Variants in STX8 observed in about 807,000 individuals in gnomAD.
The protein encoded by STX8 is syntaxin 8.
Under a neutral mutation model 37.5 loss-of-function variants are expected in STX8, and 23 were observed. That is an observed-to-expected ratio of 0.61 (90% CI 0.44 to 0.87). The LOEUF is 0.87. Ranked by LOEUF, STX8 falls within the 40% of genes least tolerant of loss-of-function variation. The pLI is 0.00. For missense variants in STX8, 313 were observed against 284.7 expected (o/e 1.10, Z -0.71); for synonymous variants, 115 against 99.1 (o/e 1.16, Z -0.95).
At chr17:9,465,196 T>C (rs1049815521) in intron 6 of STX8, among the ~76,000 whole-genome samples, 1 of 132,628 alleles carries the variant, frequency 7.5e-6, no homozygotes, top group African/African-American at 3.6e-5. Flanking sequence ...TTGAAGTTGC[T>C]TTTTTTTTTT....
At chr17:9,350,949 T>A (rs1255457486) in intron 7 of STX8, among the ~76,000 whole-genome samples, 1 of 152,188 alleles carries the variant, frequency 6.6e-6, no homozygotes, top group African/African-American at 2.4e-5. Context: ...CTTAGACATA[T>A]TAAAAATATT....
At chr17:9,287,199 G>A (rs1056260292) in intron 7 of STX8, among the ~76,000 whole-genome samples, 1 of 152,208 alleles carries the variant, frequency 6.6e-6, no homozygotes, top group African/African-American at 2.4e-5. Flanking sequence ...GTGTCTTACA[G>A]TAGATGACGA....
chr17:9,504,953 G>A lies in STX8; in HGVS notation c.448+85C>T, dbSNP rs571289561. On this transcript the variant is annotated intron_variant, in intron 5 of 7. Transcript: ENST00000306357. Reference sequence around the variant, plus strand: ...CACGCCACTGCACTCCAGCCTAGGCGACATAGCAAGACTCCGTCTCAAAAA... The same window carrying A: ...CACGCCACTGCACTCCAGCCTAGGCAACATAGCAAGACTCCGTCTCAAAAA... 2.4e-5 allele frequency: 29 copies of A among 1,197,722 alleles called. No individual in the cohort carries two copies. The East Asian group carries it at 6.4e-4, about 27-fold the overall frequency. 74.2% of individuals were successfully genotyped at this position (1,197,722 alleles called of 1,614,324 possible).
At chr17:9,553,742 A>G (rs924557435) in intron 3 of STX8, 4 of 152,224 alleles carry the variant, frequency 2.6e-5, no homozygotes, top group Admixed American at 2.6e-4. Context: ...TATAAACAAG[A>G]TTTGTCTTGG....
At chr17:9,252,240 C>G (rs550710979) in intron 7 of STX8, among the ~76,000 whole-genome samples, 1 of 151,966 alleles carries the variant, frequency 6.6e-6, no homozygotes, top group African/African-American at 2.4e-5. Flanking sequence ...GTCAGGAGAT[C>G]GAGACCATCC....
chr17:9,396,484 G>A (rs892306778), intron 6 of STX8, among the ~76,000 whole-genome samples: 11 of 151,598 alleles, frequency 7.3e-5, no homozygotes, highest in Admixed American at 1.3e-4. Flanking sequence ...GCTGAGGTGG[G>A]CGGGTCATCT....
At position 9,390,551 on chromosome 17, in the gene STX8, G is replaced by A. The variant is rs900148866; in HGVS notation, c.542-11898C>T. On this transcript the variant is annotated intron_variant, in intron 6 of 7. Transcript: ENST00000306357. The stretch of plus-strand genomic sequence containing the variant: ...AAAAAAAAAAGTGTAACACAGGGTC[G>A]GTGCGGTGGCTCATGCCTGTAATCC... Among the ~76,000 whole-genome samples the A allele has an allele frequency of 6.7e-5, 10 of 150,306 alleles. No homozygotes were observed. In the East Asian group the frequency reaches 9.8e-4, roughly 15 times the overall value.
chr17:9,567,775 C>A (rs1198940957), intron 2 of STX8, among the ~76,000 whole-genome samples: 2 of 152,224 alleles, frequency 1.3e-5, no homozygotes, highest in African/African-American at 2.4e-5. Flanking sequence ...CAGCCTCCAC[C>A]TCCCAGGTTC....
At chr17:9,266,797 T>C (rs574614572) in intron 7 of STX8, among the ~76,000 whole-genome samples, 27 of 152,222 alleles carry the variant, frequency 1.8e-4, no homozygotes, top group African/African-American at 6.5e-4. Context: ...TTAAGGGCAG[T>C]GGGAGAAAAG....
chr17:9,352,524 G>A (rs540647698), intron 7 of STX8, among the ~76,000 whole-genome samples: 144 of 131,634 alleles, frequency 1.1e-3, no homozygotes, highest in Middle Eastern at 5.6e-3. Context: ...CGGGAGTGCA[G>A]TGGCGCAATC....
At chr17:9,348,283 G>A (rs1021207158) in intron 7 of STX8, among the ~76,000 whole-genome samples, 7 of 151,782 alleles carry the variant, frequency 4.6e-5, no homozygotes, top group African/African-American at 1.7e-4. Context: ...GCCAGGCGTG[G>A]TGCGGACGCC....
chr17:9,518,339 C>T (rs1332936564), intron 4 of STX8, among the ~76,000 whole-genome samples: 1 of 151,976 alleles, frequency 6.6e-6, no homozygotes, highest in Non-Finnish European at 1.5e-5. Context: ...CTCTTCCAGG[C>T]CTCATGTGTC....
chr17:9,571,489 G>GT (rs1015445277), intron 1 of STX8, among the ~76,000 whole-genome samples: 4 of 150,304 alleles, frequency 2.7e-5, no homozygotes, highest in Non-Finnish European at 1.5e-5. Flanking sequence ...TAATTGGGTC[G>GT]GGGGGTGGCT....
intron 1 of STX8, among the ~76,000 whole-genome samples, chr17:9,574,226 G>A (rs1173802807): frequency 3.3e-5 from 5 of 150,494 alleles, no homozygotes; most frequent in East Asian, 3.9e-4. Context: ...AGCCATGATC[G>A]CGCCATTGCA....
At chr17:9,465,712 G>A (rs1475916055) in intron 6 of STX8, among the ~76,000 whole-genome samples, 3 of 152,130 alleles carry the variant, frequency 2.0e-5, no homozygotes, top group African/African-American at 7.2e-5. Context: ...CTCGAACAAC[G>A]ACGACAACAA....
intron 6 of STX8, among the ~76,000 whole-genome samples, chr17:9,467,961 C>T (rs1034735635): frequency 4.6e-5 from 7 of 152,178 alleles, no homozygotes; most frequent in African/African-American, 1.7e-4. Context: ...GTTTTTAATA[C>T]AGAAGGTCCT....
At chr17:9,396,406 G>A (rs1005504467) in intron 6 of STX8, among the ~76,000 whole-genome samples, 8 of 152,052 alleles carry the variant, frequency 5.3e-5, no homozygotes, top group Admixed American at 2.0e-4. Flanking sequence ...TATATGGGCC[G>A]GGCGCAGTGG....
intron 7 of STX8, among the ~76,000 whole-genome samples, chr17:9,252,757 A>C (rs1011153904): frequency 3.3e-5 from 5 of 151,982 alleles, no homozygotes; most frequent in Non-Finnish European, 7.4e-5. Context: ...TTGGGGCCCC[A>C]AGGTTTCTCC....
At chr17:9,511,999 C>T (rs1261751748) in intron 4 of STX8, among the ~76,000 whole-genome samples, 1 of 151,690 alleles carries the variant, frequency 6.6e-6, no homozygotes, top group African/African-American at 2.4e-5. Context: ...AATAGCAATC[C>T]CCCCGCCAAA....
Sources: gnomAD v4.1 joint callset for allele counts (sites outside exome capture counted in the v4.1 genomes callset) on GRCh38, gnomAD v4.1.1 for gene constraint, MANE v1.5 for transcripts, NCBI Gene and HGNC (gene_info 2026-07-23, HGNC 2026-07-21) for gene names.